LRCH3: variants seen among roughly 807,000 people sequenced by gnomAD.
LRCH3 encodes the protein leucine rich repeats and calponin homology domain containing 3.
In LRCH3, 68 loss-of-function variants were observed where a neutral mutation model predicts 104.5. The ratio of observed to expected loss-of-function variants is 0.65; its 90% CI spans 0.54 to 0.80. The LOEUF (loss-of-function observed/expected upper bound fraction) is 0.80, where lower values mean the gene tolerates loss of function less well. Ranked by LOEUF, LRCH3 falls within the 30% of genes least tolerant of loss-of-function variation. LRCH3 has a pLI of 0.00. For missense variants in LRCH3, 951 were observed against 953.9 expected (o/e 1.00, Z 0.04); for synonymous variants, 344 against 361.3 (o/e 0.95, Z 0.54).
chr3:197,882,674 T>C, intron 20 of LRCH3: 3 of 983,454 alleles, frequency 3.1e-6, no homozygotes, highest in Non-Finnish European at 3.6e-6. Context: ...TAGTGATAAA[T>C]GCTGTTCTTA....
Position 197,809,690 on chromosome 3 carries a change from G to A in LRCH3, c.263-5218G>A, listed in dbSNP as rs535580989. On this transcript the variant is annotated intron_variant, in intron 1 of 20. Coordinates refer to ENST00000425562, the MANE Select transcript of LRCH3 (RefSeq NM_001365715.1). ...TTTCCTCTCTGCCCTCCGCTCTGCT[G>A]TTGAACCCATCCATTGAGCTTTTTC... 6.6e-5 allele frequency among the ~76,000 whole-genome samples: 10 copies of A among 151,476 alleles called. No homozygotes were observed. The South Asian group carries it at 1.9e-3, about 28-fold the overall frequency.
rs1447412564 is a variant in LRCH3 at position 197,839,349 on chromosome 3, G to C, written c.1280G>C (p.Arg427Thr). ...TCACCAGTAAAGCCAGTAGCCATTA[G>C]GGAGTTTCAAAAAACAGAAGATATG... is the stretch of plus-strand genomic sequence containing the variant. ...EGSPVKPVAI[R>T]EFQKTEDMRR... Residue 427 changes from arginine to threonine, a missense_variant, in exon 10 of 21, where the codon AGG (arginine) becomes ACG (threonine). Physicochemically the swap from Arg to Thr is moderately conservative, Grantham distance 71. Transcript: ENST00000425562. 3 of 1,594,920 alleles carry C rather than the reference G, an allele frequency of 1.9e-6. No homozygotes were observed. The highest frequency in any genetic ancestry group is 2.7e-5 in the African/African-American group (2 of 73,706).
chr3:197,885,628 C>CCCATCTCGCT lies in LRCH3; in HGVS notation c.*1966_*1975dup. Reference sequence around the variant, plus strand: ...TCCATCTCAAAAAAAGAAAACGCGCCCCATCTCGCTCCACCACAAGCGCCT... The same window carrying CCCATCTCGCT: ...TCCATCTCAAAAAAAGAAAACGCGCCCCATCTCGCTCCATCTCGCTCCACCACAAGCGCCT... On this transcript the variant is annotated 3_prime_UTR_variant, in exon 21 of 21. Transcript: ENST00000425562. The CCCATCTCGCT allele has an allele frequency of 6.6e-6, 1 of 152,118 alleles. No homozygotes were observed. The highest frequency in any genetic ancestry group is 1.5e-5 in the Non-Finnish European group (1 of 68,096). The allele number at this position is 152,118 out of a possible 1,614,324, so 9.4% of individuals were successfully genotyped here.
intron 3 of LRCH3, among the ~76,000 whole-genome samples, chr3:197,817,541 A>G (rs1323151505): frequency 6.6e-6 from 1 of 151,358 alleles, no homozygotes; most frequent in Non-Finnish European, 1.5e-5. Context: ...TTAAGAACGG[A>G]AAGTACAAGC....
At chr3:197,814,307 C>G (rs1022428681) in intron 1 of LRCH3, among the ~76,000 whole-genome samples, 2 of 152,164 alleles carry the variant, frequency 1.3e-5, no homozygotes, top group Admixed American at 6.5e-5. Flanking sequence ...GTCACTATCA[C>G]GAGAATAACA....
chr3:197,864,706 CTTCT>C (rs1227744981), intron 15 of LRCH3, among the ~76,000 whole-genome samples: 12 of 143,866 alleles, frequency 8.3e-5, no homozygotes, highest in Non-Finnish European at 1.7e-4. Flanking sequence ...TTTTCTTCTT[CTTCT>C]TTTTTTTTTT....
chr3:197,859,086 G>A (rs1034919678), intron 15 of LRCH3, 181 bp downstream of exon 15: 19 of 601,636 alleles, frequency 3.2e-5, no homozygotes, highest in Admixed American at 5.6e-5. Context: ...TATGATGCTA[G>A]AGATAGTCAT....
chr3:197,800,201 A>G (rs996912594), intron 1 of LRCH3, among the ~76,000 whole-genome samples: 2 of 143,088 alleles, frequency 1.4e-5, no homozygotes, highest in African/African-American at 5.4e-5. Context: ...AGACTGTCTC[A>G]AAAAAAAAAA....
chr3:197,844,110 A>G (rs1337282859), intron 10 of LRCH3, among the ~76,000 whole-genome samples: 2 of 152,238 alleles, frequency 1.3e-5, no homozygotes, highest in East Asian at 3.8e-4. Flanking sequence ...CGTTCTAGGT[A>G]GAGGTTCTGA....
At chr3:197,827,869 G>A (rs1044045835) in intron 5 of LRCH3, among the ~76,000 whole-genome samples, 1 of 151,956 alleles carries the variant, frequency 6.6e-6, no homozygotes, top group Admixed American at 6.6e-5. Flanking sequence ...ATGAGGTCAG[G>A]AGATCGAGAT....
chr3:197,807,422 C>T (rs552241688), intron 1 of LRCH3, among the ~76,000 whole-genome samples: 5 of 151,992 alleles, frequency 3.3e-5, no homozygotes, highest in Middle Eastern at 6.8e-3. Context: ...GGGGTTTCAC[C>T]GGGTTAGCCA....
chr3:197,807,021 A>T (rs1416555113), intron 1 of LRCH3, among the ~76,000 whole-genome samples: 1 of 121,982 alleles, frequency 8.2e-6, no homozygotes. Context: ...CCTGGGCGAC[A>T]GGGCGAGACC....
intron 12 of LRCH3, chr3:197,850,660 C>G: frequency 6.5e-7 from 1 of 1,544,232 alleles, no homozygotes; most frequent in Non-Finnish European, 8.9e-7. Flanking sequence ...GCATCACTCT[C>G]TGCATTTTTA....
At chr3:197,820,247 A>G (rs2109216495) in intron 3 of LRCH3, 78 bp from the exon 4 acceptor site, 7 of 1,026,600 alleles carry the variant, frequency 6.8e-6, no homozygotes, top group African/African-American at 3.2e-5. Flanking sequence ...TCCCAAACAT[A>G]TCTAATTTTA....
intron 20 of LRCH3, among the ~76,000 whole-genome samples, chr3:197,879,832 T>C (rs1713444881): frequency 7.7e-6 from 1 of 130,154 alleles, no homozygotes. Flanking sequence ...TCTGACCTAC[T>C]TTTTTTTTTT....
intron 17 of LRCH3, among the ~76,000 whole-genome samples, chr3:197,869,343 TGCACTGTACCTGCAGGAAGTAGAAAGC>T: frequency 6.6e-6 from 1 of 150,976 alleles, no homozygotes; most frequent in East Asian, 2.0e-4. Flanking sequence ...TAGAAAGCGG[TGCACTGTACCTGCAGGAAGTAGAAAGC>T]GGTGCACTGT....
chr3:197,837,347 A>T (rs1013977280), intron 9 of LRCH3, among the ~76,000 whole-genome samples: 4 of 152,228 alleles, frequency 2.6e-5, no homozygotes, highest in Non-Finnish European at 5.9e-5. Flanking sequence ...CTATAAAAAA[A>T]TAGTATTTCT....
rs960008081 is a variant in LRCH3, at chr3:197,885,622, ACG to A, written c.*1960_*1961del. ...CGAAATTCCATCTCAAAAAAAGAAA[ACG>A]CGCCCCATCTCGCTCCACCACAAGC... On this transcript the variant is annotated 3_prime_UTR_variant, in exon 21 of 21. Transcript: ENST00000425562. 1.3e-5 allele frequency: 2 copies of A among 152,142 alleles called. No homozygotes were observed. Among genetic ancestry groups the A allele is most frequent in the African/African-American group, 4.8e-5 (2 of 41,376 alleles). 9.4% of individuals were successfully genotyped at this position (152,142 alleles called of 1,614,324 possible).
chr3:197,839,307 G>A lies in LRCH3; in HGVS notation c.1252-14G>A. 1 of 1,553,156 alleles carries A rather than the reference G, an allele frequency of 6.4e-7. No individual in the cohort carries two copies. The highest frequency in any genetic ancestry group is 8.7e-7 in the Non-Finnish European group (1 of 1,145,982). On this transcript the variant is annotated splice_polypyrimidine_tract_variant and intron_variant, in intron 9 of 20. Transcript: ENST00000425562. Reference sequence around the variant, plus strand: ...TAATATACTAAATTTATTTATTTCTGTCCTCTGGCCTAGGGTTCACCAGTA... The same window carrying A: ...TAATATACTAAATTTATTTATTTCTATCCTCTGGCCTAGGGTTCACCAGTA...
Sources: gnomAD v4.1 joint callset for allele counts (sites outside exome capture counted in the v4.1 genomes callset) on GRCh38, gnomAD v4.1.1 for gene constraint, MANE v1.5 for transcripts, NCBI Gene and HGNC (gene_info 2026-07-23, HGNC 2026-07-21) for gene names.